GRIN2A: variants seen among roughly 807,000 people sequenced by gnomAD.
GRIN2A encodes glutamate ionotropic receptor NMDA type subunit 2A.
A neutral mutation model predicts 113.4 loss-of-function variants in GRIN2A; 22 were observed. That is an observed-to-expected ratio of 0.19 (90% CI 0.14 to 0.28). The LOEUF (loss-of-function observed/expected upper bound fraction) is 0.28, where lower values mean the gene tolerates loss of function less well. Among genes scored for constraint, GRIN2A ranks in the 10% least tolerant of loss-of-function variants. The pLI is 1.00. For synonymous variants in GRIN2A, 827 were observed against 738.4 expected, an observed-to-expected ratio of 1.12 and a Z score of -1.94; for missense variants, 1,502 against 1,887.0, an observed-to-expected ratio of 0.80 and a Z score of 3.78.
intron 2 of GRIN2A, among the ~76,000 whole-genome samples, chr16:10,132,523 G>A (rs2049087549): frequency 6.6e-6 from 1 of 152,104 alleles, no homozygotes; most frequent in African/African-American, 2.4e-5. Context: ...ATGTCGTGAT[G>A]GCTTTCTGAC....
At chr16:9,982,364 C>A (rs1203112202) in intron 2 of GRIN2A, among the ~76,000 whole-genome samples, 1 of 152,168 alleles carries the variant, frequency 6.6e-6, no homozygotes, top group African/African-American at 2.4e-5. Context: ...CAGGCATTGA[C>A]AATAATTGCC....
chr16:9,931,549 T>C (rs753889595), intron 3 of GRIN2A, among the ~76,000 whole-genome samples: 14 of 152,174 alleles, frequency 9.2e-5, no homozygotes, highest in Non-Finnish European at 1.9e-4. Flanking sequence ...TCTGTCATAC[T>C]ACCTAGACCA....
In GRIN2A at chr16:9,756,454, A is replaced by C. The variant is rs1254068995; in HGVS notation, c.*6695T>G. 1.3e-5 allele frequency: 3 copies of C among 228,848 alleles called. No individual in the cohort carries two copies. The allele number at this position is 228,848 out of a possible 1,614,324, so 14.2% of individuals were successfully genotyped here. A position where few individuals can be genotyped will look rare whatever the true frequency, so the allele number is the denominator to read the frequency against. On this transcript the variant is annotated 3_prime_UTR_variant, in exon 13 of 13. Transcript: ENST00000330684. ...TCCCTGTCACAGAGGCTGATACTCA[A>C]GGGTATATGCCCAGGAACCTCAAAA...
At chr16:9,913,967 G>T (rs1392754175) in intron 3 of GRIN2A, among the ~76,000 whole-genome samples, 2 of 150,248 alleles carry the variant, frequency 1.3e-5, no homozygotes, top group Admixed American at 1.3e-4. Context: ...ATTTTCAAAA[G>T]AAAAAAAGAA....
intron 11 of GRIN2A, among the ~76,000 whole-genome samples, chr16:9,772,099 A>T (rs1021003760): frequency 6.6e-6 from 1 of 152,192 alleles, no homozygotes; most frequent in Non-Finnish European, 1.5e-5. Context: ...GGTGCTGATC[A>T]ATCGGTTGTG....
intron 7 of GRIN2A, among the ~76,000 whole-genome samples, chr16:9,839,430 A>T (rs1394385812): frequency 6.6e-6 from 1 of 152,194 alleles, no homozygotes; most frequent in Non-Finnish European, 1.5e-5. Context: ...ACGGTTAAAA[A>T]AATCACAAGA....
intron 2 of GRIN2A, among the ~76,000 whole-genome samples, chr16:10,147,399 A>G (rs1367854451): frequency 1.4e-5 from 2 of 144,298 alleles, no homozygotes; most frequent in Non-Finnish European, 3.0e-5. Context: ...ATTTGAGCTC[A>G]GGAGTTCGAG....
chr16:9,825,452 C>T (rs904308440), intron 9 of GRIN2A, among the ~76,000 whole-genome samples: 1 of 152,140 alleles, frequency 6.6e-6, no homozygotes, highest in South Asian at 2.1e-4. Flanking sequence ...GTCTGAAGGT[C>T]ATCCAAGTGA....
chr16:10,129,143 A>G (rs929983385), intron 2 of GRIN2A, among the ~76,000 whole-genome samples: 1 of 152,006 alleles, frequency 6.6e-6, no homozygotes, highest in African/African-American at 2.4e-5. Flanking sequence ...TGGCACGATC[A>G]GAGCTCACTG....
chr16:9,889,402 T>G (rs186349266), intron 4 of GRIN2A, among the ~76,000 whole-genome samples: 97 of 152,320 alleles, frequency 6.4e-4, no homozygotes, highest in African/African-American at 2.2e-3. Context: ...TTATTAGTCA[T>G]TTCAAAGAAC....
chr16:9,924,129 A>AAC lies in GRIN2A; in HGVS notation c.1007+13829_1007+13830insGT, dbSNP rs369587489. Among the ~76,000 whole-genome samples, 199 of 132,752 alleles carry AAC rather than the reference A, an allele frequency of 1.5e-3. 6 individuals are homozygous for AAC. The highest frequency in any genetic ancestry group is 2.8e-3 in the African/African-American group (96 of 34,798). The allele number at this position is 132,752 out of a possible 152,430, so 87.1% of individuals were successfully genotyped here. A position where few individuals can be genotyped will look rare whatever the true frequency, so the allele number is the denominator to read the frequency against. The stretch of plus-strand genomic sequence containing the variant: ...TGGTCTCAAAAAAAAAAAAAAAAAA[A>AAC]AAAAAAAAAACAAAAACCTCATGCG... On this transcript the variant is annotated intron_variant, in intron 3 of 12. Transcript: ENST00000330684.
At chr16:9,870,777 A>G (rs1037637575) in intron 4 of GRIN2A, among the ~76,000 whole-genome samples, 3 of 151,956 alleles carry the variant, frequency 2.0e-5, no homozygotes, top group Non-Finnish European at 4.4e-5. Context: ...AGCTGAAACT[A>G]CAGGCACACA....
chr16:10,144,920 C>CAAAAAAAA (rs58751267), intron 2 of GRIN2A, among the ~76,000 whole-genome samples: 3 of 59,368 alleles, frequency 5.1e-5, no homozygotes, highest in Admixed American at 2.8e-4. Context: ...GACCCTGTCT[C>CAAAAAAAA]AAAAAAAAAA....
chr16:9,829,049 A>G (rs57737875), intron 9 of GRIN2A, among the ~76,000 whole-genome samples: 13 of 152,256 alleles, frequency 8.5e-5, no homozygotes, highest in African/African-American at 2.2e-4. Context: ...CTTCACCCCA[A>G]TTTCTTCTCA....
At chr16:9,915,959 T>C (rs2044241292) in intron 3 of GRIN2A, among the ~76,000 whole-genome samples, 1 of 152,248 alleles carries the variant, frequency 6.6e-6, no homozygotes, top group Admixed American at 6.5e-5. Flanking sequence ...CTTTGGTTGT[T>C]GTTAATTAAT....
chr16:9,883,303 G>A (rs539632053), intron 4 of GRIN2A, among the ~76,000 whole-genome samples: 4 of 152,288 alleles, frequency 2.6e-5, no homozygotes, highest in African/African-American at 7.2e-5. Context: ...TTGTGCACTA[G>A]GCCCAAACCC....
At chr16:10,049,923 C>T (rs998291813) in intron 2 of GRIN2A, among the ~76,000 whole-genome samples, 2 of 152,166 alleles carry the variant, frequency 1.3e-5, no homozygotes, top group Non-Finnish European at 2.9e-5. Flanking sequence ...TTTCTGATAA[C>T]CCAGTGGAAA....
chr16:9,937,893 A>T (rs1295721841), intron 3 of GRIN2A, 66 bp downstream of exon 3: 2 of 1,132,116 alleles, frequency 1.8e-6, no homozygotes, highest in African/African-American at 3.0e-5. Flanking sequence ...TGAGTATGTA[A>T]GCAAGCAAAC....
intron 2 of GRIN2A, among the ~76,000 whole-genome samples, chr16:9,966,592 C>G (rs2045560455): frequency 6.6e-6 from 1 of 152,116 alleles, no homozygotes; most frequent in South Asian, 2.1e-4. Context: ...ATACACATGC[C>G]CGTGTCCTTA....
Sources: allele counts gnomAD v4.1 joint callset (sites outside exome capture counted in the v4.1 genomes callset), GRCh38; gene constraint gnomAD v4.1.1; transcripts MANE v1.5; gene names NCBI Gene and HGNC (gene_info 2026-07-23, HGNC 2026-07-21).